KCNMA1: variants seen among roughly 807,000 people sequenced by gnomAD.
KCNMA1 encodes Calcium-activated potassium channel subunit alpha-1.
A neutral mutation model predicts 140.0 loss-of-function variants in KCNMA1; 29 were observed. The ratio of observed to expected loss-of-function variants is 0.21; its 90% CI spans 0.15 to 0.28. The LOEUF (loss-of-function observed/expected upper bound fraction) is 0.28. Ranked by LOEUF, KCNMA1 falls within the 10% of genes least tolerant of loss-of-function variation. The pLI is 1.00. For missense variants in KCNMA1, 880 were observed against 1,602.2 expected (o/e 0.55, Z 7.70); for synonymous variants, 612 against 611.9 (o/e 1.00, Z 0.00).
intron 1 of KCNMA1, among the ~76,000 whole-genome samples, chr10:77,566,610 C>T (rs2068421884): frequency 6.6e-6 from 1 of 152,186 alleles, no homozygotes; most frequent in African/African-American, 2.4e-5. Flanking sequence ...TGCTGCTTCC[C>T]TTCCTGGGTA....
chr10:77,147,632 T>G (rs2098331291), intron 5 of KCNMA1: 1 of 152,072 alleles, frequency 6.6e-6, no homozygotes, highest in Non-Finnish European at 1.5e-5. Flanking sequence ...CCTCGTCCAA[T>G]CTCCCTCTTC....
At chr10:77,161,939 C>A (rs1169089087) in intron 5 of KCNMA1, among the ~76,000 whole-genome samples, 1 of 152,222 alleles carries the variant, frequency 6.6e-6, no homozygotes, top group East Asian at 1.9e-4. Flanking sequence ...CCATGCACAA[C>A]AAGCAGAGTG....
intron 1 of KCNMA1, among the ~76,000 whole-genome samples, chr10:77,422,335 C>A (rs1341162623): frequency 6.6e-6 from 1 of 152,168 alleles, no homozygotes. Flanking sequence ...AATTTACATG[C>A]CTTACATGTT....
intron 1 of KCNMA1, among the ~76,000 whole-genome samples, chr10:77,479,473 A>C (rs625737): frequency 0.55 from 84,320 of 152,024 alleles, 23,677 homozygotes; most frequent in East Asian, 0.68. Flanking sequence ...AGCCTTTACC[A>C]GCAGAGCCTC....
At chr10:77,421,835 G>T (rs914288232) in intron 1 of KCNMA1, among the ~76,000 whole-genome samples, 1 of 152,210 alleles carries the variant, frequency 6.6e-6, no homozygotes, top group South Asian at 2.1e-4. Flanking sequence ...CTCCAGCACA[G>T]TGTCTTGTTC....
chr10:76,980,142 C>T (rs2078989791), intron 19 of KCNMA1: 2 of 152,222 alleles, frequency 1.3e-5, no homozygotes, highest in South Asian at 4.1e-4. Context: ...AACAGAAGGG[C>T]TGGAAGCGGC....
intron 14 of KCNMA1, among the ~76,000 whole-genome samples, chr10:77,039,887 T>TC (rs1189882576): frequency 7.8e-6 from 1 of 127,744 alleles, no homozygotes; most frequent in Non-Finnish European, 1.7e-5. Context: ...CTTTTTCTTT[T>TC]TTTTTTTTTT....
Position 77,402,462 on chromosome 10 carries a change from T to C in KCNMA1, c.540+1400A>G, listed in dbSNP as rs189909103. On this transcript the variant is annotated intron_variant, in intron 2 of 27. Coordinates refer to ENST00000286628, the MANE Select transcript of KCNMA1 (RefSeq NM_001161352.2). Reference sequence around the variant, plus strand: ...CCCCTCTTTCCATTTTGCCATCAATTGACATCAGCCATGGTTTCATAACCA... The same window carrying C: ...CCCCTCTTTCCATTTTGCCATCAATCGACATCAGCCATGGTTTCATAACCA... Among the ~76,000 whole-genome samples, 162 of 152,278 alleles carry C rather than the reference T, an allele frequency of 1.1e-3. 1 individual carries two copies. Among genetic ancestry groups the C allele is most frequent in the Admixed American group, 2.9e-3 (44 of 15,294 alleles).
At chr10:77,008,751 T>C (rs145240206) in intron 18 of KCNMA1, among the ~76,000 whole-genome samples, 2 of 152,274 alleles carry the variant, frequency 1.3e-5, no homozygotes, top group Non-Finnish European at 2.9e-5. Flanking sequence ...CAGGGTGAAT[T>C]ATTAATACCT....
At chr10:77,194,889 T>C (rs1565137832) in intron 3 of KCNMA1, among the ~76,000 whole-genome samples, 2 of 152,214 alleles carry the variant, frequency 1.3e-5, no homozygotes. Context: ...ATCTGCTGCT[T>C]CACTTTGACG....
chr10:77,338,729 G>A (rs1450290933), intron 2 of KCNMA1, among the ~76,000 whole-genome samples: 1 of 152,220 alleles, frequency 6.6e-6, no homozygotes, highest in Non-Finnish European at 1.5e-5. Flanking sequence ...AAAGGAGGGA[G>A]GAACCCCTAA....
In KCNMA1 at chr10:77,531,247, G is replaced by A. The variant is rs568828644; in HGVS notation, c.378+106018C>T. Among the ~76,000 whole-genome samples, 5 of 152,318 alleles carry A rather than the reference G, an allele frequency of 3.3e-5. No homozygotes were observed. The South Asian group carries it at 6.2e-4, about 19-fold the overall frequency. On this transcript the variant is annotated intron_variant, in intron 1 of 27. Coordinates refer to ENST00000286628, the MANE Select transcript of KCNMA1 (RefSeq NM_001161352.2). ...GGGGGTGAATGAAAGTCAAGAGATT[G>A]TAAATAATGCCAATGACCTTTATCA...
chr10:77,482,874 A>C (rs1603628267), intron 1 of KCNMA1, among the ~76,000 whole-genome samples: 2 of 149,246 alleles, frequency 1.3e-5, no homozygotes, highest in Non-Finnish European at 3.0e-5. Context: ...GCTCCAACCC[A>C]CCCCGATGCC....
chr10:77,424,055 G>A (rs1386303174), intron 1 of KCNMA1, among the ~76,000 whole-genome samples: 2 of 152,184 alleles, frequency 1.3e-5, no homozygotes, highest in East Asian at 3.9e-4. Flanking sequence ...ACAAGCTTTT[G>A]GAGTCAGACA....
At chr10:76,962,364 A>T (rs1388742837) in intron 20 of KCNMA1, among the ~76,000 whole-genome samples, 1 of 152,196 alleles carries the variant, frequency 6.6e-6, no homozygotes, top group Non-Finnish European at 1.5e-5. Flanking sequence ...TTATCACACG[A>T]TAAGGCCTTT....
chr10:77,185,646 G>A (rs868484439), intron 3 of KCNMA1, among the ~76,000 whole-genome samples: 3 of 147,924 alleles, frequency 2.0e-5, no homozygotes, highest in African/African-American at 5.0e-5. Context: ...TGTGTGTGTC[G>A]AGCAGCCAAT....
At chr10:77,416,314 T>C (rs2096741056) in intron 1 of KCNMA1, among the ~76,000 whole-genome samples, 1 of 151,960 alleles carries the variant, frequency 6.6e-6, no homozygotes, top group South Asian at 2.1e-4. Context: ...GCCCACACAA[T>C]AGGGGAAAGG....
At chr10:77,578,626 GA>G (rs2074981893) in intron 1 of KCNMA1, among the ~76,000 whole-genome samples, 1 of 152,176 alleles carries the variant, frequency 6.6e-6, no homozygotes, top group Non-Finnish European at 1.5e-5. Context: ...GGAGCCTGAA[GA>G]GGACAAAGAA....
intron 1 of KCNMA1, among the ~76,000 whole-genome samples, chr10:77,547,381 A>G (rs2061678729): frequency 6.6e-6 from 1 of 152,170 alleles, no homozygotes; most frequent in African/African-American, 2.4e-5. Context: ...CCTACCCACT[A>G]AGACTTAAAT....
Sources: gnomAD v4.1 joint callset for allele counts (sites outside exome capture counted in the v4.1 genomes callset) on GRCh38, gnomAD v4.1.1 for gene constraint, MANE v1.5 for transcripts, NCBI Gene and HGNC (gene_info 2026-07-23, HGNC 2026-07-21) for gene names.